TRIB3: variants seen among roughly 807,000 people sequenced by gnomAD.
TRIB3 encodes tribbles pseudokinase 3.
A neutral mutation model predicts 16.6 loss-of-function variants in TRIB3; 20 were observed. That is an observed-to-expected ratio of 1.20 (90% confidence interval 0.85 to 1.75). The LOEUF (loss-of-function observed/expected upper bound fraction) is 1.75, where lower values mean the gene tolerates loss of function less well. TRIB3 is among the 40% of genes most tolerant of loss of function. The probability of loss-of-function intolerance (pLI) is 0.00; values close to 1 mark genes in which losing one functional copy is unlikely to be tolerated. For synonymous variants in TRIB3, 208 were observed against 217.0 expected (o/e 0.96, Z 0.36); for missense variants, 484 against 488.9 (o/e 0.99, Z 0.10).
intron 1 of TRIB3, among the ~76,000 whole-genome samples, chr20:386,795 A>T (rs984923078): frequency 6.6e-6 from 1 of 151,348 alleles, no homozygotes. Flanking sequence ...CTGGTCTCAA[A>T]CTCCTGACCT....
intron 3 of TRIB3, 145 bp from the exon 4 acceptor site, chr20:396,053 C>T (rs2015114147): frequency 8.1e-7 from 1 of 1,242,068 alleles, no homozygotes; most frequent in African/African-American, 1.5e-5. Context: ...ATCTGTAAAA[C>T]AGGATCAGAC....
chr20:386,734 G>A (rs552193769), intron 1 of TRIB3, among the ~76,000 whole-genome samples: 23 of 152,198 alleles, frequency 1.5e-4, no homozygotes, highest in Admixed American at 9.2e-4. Context: ...CACCACGCCT[G>A]GCTAATTTTT....
intron 1 of TRIB3, among the ~76,000 whole-genome samples, chr20:384,403 C>CA (rs1172131907): frequency 6.6e-6 from 1 of 152,002 alleles, no homozygotes; most frequent in East Asian, 1.9e-4. Flanking sequence ...CTTGCTCTGT[C>CA]CCCAGGCTGG....
At chr20:394,238 C>T (rs1167053932) in intron 3 of TRIB3, among the ~76,000 whole-genome samples, 1 of 152,122 alleles carries the variant, frequency 6.6e-6, no homozygotes, top group Non-Finnish European at 1.5e-5. Flanking sequence ...GCCATGTTGG[C>T]CAGGCTGGTC....
In TRIB3 at chr20:388,183, G is replaced by A. The variant is rs147613161; in HGVS notation, c.173G>A (p.Arg58His). The A allele has an allele frequency of 2.8e-4, 446 of 1,613,978 alleles. 1 individual carries two copies. In the African/African-American group the frequency reaches 3.9e-3, roughly 14 times the overall value. Residue 58 changes from arginine (R) to histidine (H), a missense_variant, in exon 2 of 4, where the codon CGT becomes CAT. By Grantham distance (29) the Arg-to-His change is conservative (BLOSUM62 0). Coordinates refer to ENST00000217233, the MANE Select transcript of TRIB3 (RefSeq NM_021158.5). Reference sequence around the variant, plus strand: ...CTGAGCCCACCTACTGCTCCAGATCGTGCAACTGCTGTGGCCACTGCCTCC... The same window carrying A: ...CTGAGCCCACCTACTGCTCCAGATCATGCAACTGCTGTGGCCACTGCCTCC... Reference protein sequence around the residue: ...LPLSPPTAPDRATAVATASRL... With the variant: ...LPLSPPTAPDHATAVATASRL...
intron 2 of TRIB3, 102 bp downstream of exon 2, chr20:388,403 T>A: frequency 7.2e-7 from 1 of 1,389,486 alleles, no homozygotes; most frequent in Non-Finnish European, 9.5e-7. Flanking sequence ...GTTCATTCAT[T>A]CTTGTGTTTG....
intron 1 of TRIB3, among the ~76,000 whole-genome samples, chr20:385,241 T>C (rs1463359804): frequency 6.6e-6 from 1 of 152,012 alleles, no homozygotes; most frequent in African/African-American, 2.4e-5. Flanking sequence ...GACTCCTGAG[T>C]AGCTGGGATT....
In TRIB3 at chr20:397,310, G is replaced by C. The variant is rs1341226383; in HGVS notation, c.*620G>C. 6.5e-6 allele frequency: 1 copy of C among 152,844 alleles called. No individual in the cohort carries two copies. The highest frequency in any genetic ancestry group is 2.4e-5 in the African/African-American group (1 of 41,420). The allele number at this position is 152,844 out of a possible 1,614,324, so 9.5% of individuals were successfully genotyped here. A position where few individuals can be genotyped will look rare whatever the true frequency, so the allele number is the denominator to read the frequency against. On this transcript the variant is annotated 3_prime_UTR_variant, in exon 4 of 4. Transcript: ENST00000217233. ...CAGAGATAAGAATCCAAACTATGAG[G>C]CTAGTTCTTGTCTAACTCAAGACTG...
intron 3 of TRIB3, among the ~76,000 whole-genome samples, chr20:392,827 G>A (rs112256116): frequency 0.047 from 7,189 of 152,106 alleles, 210 homozygotes; most frequent in Middle Eastern, 0.12. Context: ...CAAAGTGCTG[G>A]GATTACAGGT....
At position 387,100 on chromosome 20, in the gene TRIB3, AC is replaced by A. The variant is rs377060986; in HGVS notation, c.1-910del. On this transcript the variant is annotated intron_variant, in intron 1 of 3. Transcript: ENST00000217233. ...ATTCAAAACTATAAAAGTCGGCCAA[AC>A]ATGGTGACTCACATCTGTAATCCTA... is the stretch of plus-strand genomic sequence containing the variant. Among the ~76,000 whole-genome samples the A allele has an allele frequency of 2.0e-3, 306 of 152,266 alleles. 5 individuals are homozygous for A. Among genetic ancestry groups the A allele is most frequent in the African/African-American group, 3.2e-3 (131 of 41,562 alleles).
At chr20:386,838 G>A (rs1215219403) in intron 1 of TRIB3, among the ~76,000 whole-genome samples, 2 of 151,802 alleles carry the variant, frequency 1.3e-5, no homozygotes, top group Non-Finnish European at 2.9e-5. Context: ...CCAAAGTGCT[G>A]CCGTGGGCTG....
intron 1 of TRIB3, among the ~76,000 whole-genome samples, chr20:384,509 A>G (rs73602110): frequency 0.044 from 6,708 of 152,108 alleles, 170 homozygotes; most frequent in Middle Eastern, 0.061. Flanking sequence ...GACTACAGGC[A>G]TGCACCACCA....
rs572540425 is a variant in TRIB3, at chr20:396,479, G to C, written c.866G>C (p.Arg289Pro). Reference protein sequence around the residue: ...ALPAGLSAPARCLVRCLLRRE... With the variant: ...ALPAGLSAPAPCLVRCLLRRE... The stretch of plus-strand genomic sequence containing the variant: ...CCTGCAGGCCTCTCGGCCCCTGCCC[G>C]CTGTCTGGTTCGCTGCCTCCTTCGT... Residue 289 changes from arginine (R) to proline (P), a missense_variant, in exon 4 of 4, where the codon CGC (arginine) becomes CCC (proline). Coordinates refer to ENST00000217233, the MANE Select transcript of TRIB3 (RefSeq NM_021158.5). 1.4e-5 allele frequency: 23 copies of C among 1,612,632 alleles called. No individual in the cohort carries two copies. The South Asian group carries it at 2.3e-4, about 16-fold the overall frequency.
Position 391,477 on chromosome 20 carries a change from T to G in TRIB3, c.482T>G (p.Val161Gly). ...CGTATCCCTGAGCCTGAGGCTGCCG[T>G]GCTCTTCCGCCAGATGGCCACCGCC... ...RHRIPEPEAA[V>G]LFRQMATALA... The change falls in exon 3 of 4, where the codon GTG becomes GGG. Residue 161 changes from valine (V) to glycine (G), a missense_variant. Val to Gly is a moderately radical substitution (Grantham distance 109). Coordinates refer to ENST00000217233, the MANE Select transcript of TRIB3 (RefSeq NM_021158.5). The G allele has an allele frequency of 6.2e-7, 1 of 1,613,884 alleles. No homozygotes were observed. Among genetic ancestry groups the G allele is most frequent in the Non-Finnish European group, 8.5e-7 (1 of 1,180,014 alleles).
At chr20:382,686 A>C in intron 1 of TRIB3, 1 of 1,109,028 alleles carries the variant, frequency 9.0e-7, no homozygotes, top group Non-Finnish European at 1.3e-6. Flanking sequence ...AAAACCTGTA[A>C]GCTTTGCATC....
intron 1 of TRIB3, among the ~76,000 whole-genome samples, chr20:381,937 C>G (rs373972810): frequency 1.3e-5 from 2 of 152,196 alleles, no homozygotes; most frequent in East Asian, 1.9e-4. Context: ...CCTCACCCCC[C>G]TCCTGTCCCA....
Position 388,057 on chromosome 20 carries a change from A to T in TRIB3, c.47A>T (p.Lys16Met). 1 of 1,614,118 alleles carries T rather than the reference A, an allele frequency of 6.2e-7. No individual in the cohort carries two copies. The highest frequency in any genetic ancestry group is 1.7e-5 in the Admixed American group (1 of 60,032). The part of the protein sequence containing the change: ...LAAPAGSLSR[K>M]KRLELDDNLD... ...GCTCCTGCGGGTTCCCTGTCCAGGAAGAAGCGGTTGGAGTTGGATGACAAC... is the reference window on the plus strand; with the variant it reads ...GCTCCTGCGGGTTCCCTGTCCAGGATGAAGCGGTTGGAGTTGGATGACAAC... The change falls in exon 2 of 4, where the codon AAG (lysine) becomes ATG (methionine). Residue 16 changes from lysine (K) to methionine (M), a missense_variant. Transcript: ENST00000217233.
chr20:384,433 A>G (rs1361477258), intron 1 of TRIB3, among the ~76,000 whole-genome samples: 10 of 152,150 alleles, frequency 6.6e-5, no homozygotes, highest in Middle Eastern at 3.4e-3. Context: ...GCGAGATCTC[A>G]GCTCACTACA....
intron 2 of TRIB3, among the ~76,000 whole-genome samples, chr20:389,506 G>A (rs12626158): frequency 0.31 from 46,843 of 152,042 alleles, 7,586 homozygotes; most frequent in South Asian, 0.4. Flanking sequence ...CTCTGTTGAC[G>A]GAGATGCAGT....
Sources: gnomAD v4.1 joint callset for allele counts (sites outside exome capture counted in the v4.1 genomes callset) on GRCh38, gnomAD v4.1.1 for gene constraint, MANE v1.5 for transcripts, NCBI Gene and HGNC (gene_info 2026-07-23, HGNC 2026-07-21) for gene names.